Variants in ACOT11 observed in about 807,000 individuals in gnomAD.
The protein encoded by ACOT11 is acyl-coenzyme A thioesterase 11.
Under a neutral mutation model 77.5 loss-of-function variants are expected in ACOT11, and 69 were observed. The ratio of observed to expected loss-of-function variants is 0.89; its 90% CI spans 0.73 to 1.09. The LOEUF is 1.09. ACOT11 is among the 50% of genes least tolerant of loss of function. ACOT11 has a pLI of 0.00. For synonymous variants in ACOT11, 279 were observed against 313.0 expected (o/e 0.89, Z 1.15); for missense variants, 766 against 813.7 (o/e 0.94, Z 0.71).
intron 15 of ACOT11, chr1:54,628,244 TG>T (rs1644282229): frequency 7.5e-6 from 1 of 134,134 alleles, no homozygotes; most frequent in Admixed American, 7.7e-5. Context: ...CCTCAGGCTG[TG>T]TTATGTGGGT....
downstream of ACOT11, chr1:54,610,758 G>A: frequency 2.0e-6 from 2 of 983,956 alleles, no homozygotes; most frequent in South Asian, 9.4e-5. Flanking sequence ...AAAGTTGCCA[G>A]GAGTGGAACC....
chr1:54,616,193 C>G (rs1644171817), intron 15 of ACOT11: 1 of 1,579,790 alleles, frequency 6.3e-7, no homozygotes, highest in Non-Finnish European at 8.6e-7. Context: ...GGCAACAACT[C>G]AGTGAGTTCC....
chr1:54,573,120 C>T (rs972831677), intron 1 of ACOT11: 6 of 985,418 alleles, frequency 6.1e-6, no homozygotes, highest in Non-Finnish European at 6.0e-6. Flanking sequence ...GTCCTGGCTC[C>T]AGGTATGGGT....
chr1:54,614,281 C>T (rs1035388337), downstream of ACOT11, among the ~76,000 whole-genome samples: 10 of 152,284 alleles, frequency 6.6e-5, no homozygotes, highest in Admixed American at 2.0e-4. Context: ...AGGTTTTAGA[C>T]TTCTCTAGCA....
intron 16 of ACOT11, among the ~76,000 whole-genome samples, chr1:54,632,149 C>T (rs1009978119): frequency 1.3e-5 from 2 of 152,310 alleles, no homozygotes; most frequent in African/African-American, 4.8e-5. Flanking sequence ...AAAAGGAAAA[C>T]ACTGGGCTAG....
chr1:54,607,200 C>T lies in ACOT11; in HGVS notation c.1437C>T (p.Leu479=), dbSNP rs767050307. Reference sequence around the variant, plus strand: ...TCTACCACGTCACCAGCCCTGCCCTCGGAGGTCACACAAAGCCCCAGGACT... The same window carrying T: ...TCTACCACGTCACCAGCCCTGCCCTTGGAGGTCACACAAAGCCCCAGGACT... ...DAIYHVTSPA[L]GGHTKPQDFV... is the part of the protein sequence containing the mutation. The change falls in exon 14 of 16, where the codon CTC becomes CTT. Residue 479 remains leucine (L), a synonymous_variant. Transcript: ENST00000343744. The surrounding 1 kb of genome is among the most constrained non-coding windows in gnomAD (Gnocchi z 4.5). 3.4e-5 allele frequency: 55 copies of T among 1,614,082 alleles called. No homozygotes were observed. The highest frequency in any genetic ancestry group is 1.9e-4 in the South Asian group (17 of 91,094).
intron 1 of ACOT11, among the ~76,000 whole-genome samples, chr1:54,577,867 C>T (rs1033033397): frequency 2.0e-5 from 3 of 152,250 alleles, no homozygotes; most frequent in African/African-American, 4.8e-5. Context: ...GCCGCTTGTG[C>T]GCTGCCCCAT....
rs757558126 is a variant in ACOT11 at position 54,609,555 on chromosome 1, C to T, written c.*443C>T. 34 of 1,612,590 alleles carry T rather than the reference C, an allele frequency of 2.1e-5. 2 individuals are homozygous for T. In the South Asian group the frequency reaches 3.7e-4, roughly 18 times the overall value. ...TCTAGCATATCTGTGAGCAGCTGTT[C>T]CCTGTAGCCACTGCCCAGCACCTCC... On this transcript the variant is annotated 3_prime_UTR_variant, in exon 16 of 16. Transcript: ENST00000343744.
At chr1:54,603,500 G>A (rs1643988981) in intron 10 of ACOT11, among the ~76,000 whole-genome samples, 1 of 152,190 alleles carries the variant, frequency 6.6e-6, no homozygotes, top group Admixed American at 6.5e-5. Context: ...CATTTACCGT[G>A]TGCCAAGCAC....
At position 54,548,332 on chromosome 1, in the gene ACOT11, A is replaced by G. The variant is rs1381798528; in HGVS notation, c.23A>G (p.His8Arg). 6.2e-7 allele frequency: 1 copy of G among 1,602,134 alleles called. No individual in the cohort carries two copies. Among genetic ancestry groups the G allele is most frequent in the Non-Finnish European group, 8.5e-7 (1 of 1,174,952 alleles). ...GCGATGATCCAGAATGTCGGAAATC[A>G]CCTGCGACGGGTATGGAGGGTGGGC... MIQNVGN[H>R]LRRGLASVFS... Residue 8 changes from histidine to arginine, a missense_variant, in exon 1 of 16, where the codon CAC becomes CGC. Coordinates refer to ENST00000343744, the MANE Select transcript of ACOT11 (RefSeq NM_147161.4).
At chr1:54,569,723 T>C (rs1023307596) in intron 1 of ACOT11, among the ~76,000 whole-genome samples, 1 of 152,212 alleles carries the variant, frequency 6.6e-6, no homozygotes, top group Non-Finnish European at 1.5e-5. Flanking sequence ...TGTTTTCCCA[T>C]AAACAACTAT....
chr1:54,574,076 A>G (rs1275786344), intron 1 of ACOT11, among the ~76,000 whole-genome samples: 1 of 152,156 alleles, frequency 6.6e-6, no homozygotes, highest in Non-Finnish European at 1.5e-5. Context: ...GGCCACATTA[A>G]TTAAATATAC....
At chr1:54,566,454 CAAAAAAA>C (rs34312735) in intron 1 of ACOT11, among the ~76,000 whole-genome samples, 6 of 94,676 alleles carry the variant, frequency 6.3e-5, no homozygotes, top group Admixed American at 5.5e-4. Context: ...AAGACTGTCT[CAAAAAAA>C]AAAAAAAAAA....
chr1:54,557,615 T>A (rs1653307835), intron 1 of ACOT11, among the ~76,000 whole-genome samples: 1 of 152,092 alleles, frequency 6.6e-6, no homozygotes, highest in African/African-American at 2.4e-5. Context: ...TCAGGTATTT[T>A]ATTTTATTTT....
chr1:54,557,391 CAAAAAAAA>C (rs71045195), intron 1 of ACOT11, among the ~76,000 whole-genome samples: 1 of 98,256 alleles, frequency 1.0e-5, no homozygotes, highest in African/African-American at 3.7e-5. Flanking sequence ...GATTCCATCT[CAAAAAAAA>C]AAAAAAAAAA....
At chr1:54,618,335 C>T (rs903841651) in intron 15 of ACOT11, among the ~76,000 whole-genome samples, 3 of 152,082 alleles carry the variant, frequency 2.0e-5, no homozygotes, top group African/African-American at 7.2e-5. Context: ...GAAAACCCAT[C>T]TCTACTAAAA....
intron 1 of ACOT11, among the ~76,000 whole-genome samples, chr1:54,576,942 C>T (rs565845915): frequency 6.6e-6 from 1 of 152,154 alleles, no homozygotes. Context: ...AAGGCCCAGA[C>T]ATCTAATAAT....
chr1:54,597,343 C>G lies in ACOT11; in HGVS notation c.692C>G (p.Ala231Gly), dbSNP rs1643899595. 2 of 1,613,944 alleles carry G rather than the reference C, an allele frequency of 1.2e-6. No homozygotes were observed. Among genetic ancestry groups the G allele is most frequent in the Non-Finnish European group, 1.7e-6 (2 of 1,180,000 alleles). The change falls in exon 7 of 16, where the codon GCC (alanine) becomes GGC (glycine). Residue 231 changes from alanine to glycine, a missense_variant. Physicochemically the swap from Ala to Gly is moderately conservative, Grantham distance 60 (BLOSUM62 0). Coordinates refer to ENST00000343744, the MANE Select transcript of ACOT11 (RefSeq NM_147161.4). ...ESVELVLPPH[A>G]NHQGNTFGGQ... The stretch of plus-strand genomic sequence containing the variant: ...GTGGAGCTGGTCCTGCCTCCCCACG[C>G]CAATCACCAGGGCAACACCTTTGGG...
At chr1:54,587,375 G>T (rs747175629) in intron 3 of ACOT11, among the ~76,000 whole-genome samples, 2 of 151,554 alleles carry the variant, frequency 1.3e-5, no homozygotes, top group African/African-American at 4.8e-5. Flanking sequence ...TTAGCCGGGC[G>T]TGGTGGGGAG....
Sources: allele counts gnomAD v4.1 joint callset (sites outside exome capture counted in the v4.1 genomes callset), GRCh38; gene constraint gnomAD v4.1.1; non-coding constraint Gnocchi (gnomAD v3.1); transcripts MANE v1.5; gene names NCBI Gene and HGNC (gene_info 2026-07-23, HGNC 2026-07-21).